Variants in UNC13A observed in about 807,000 individuals in gnomAD.
The protein encoded by UNC13A is protein unc-13 homolog A.
In UNC13A, 61 loss-of-function variants were observed where a neutral mutation model predicts 219.7. That is an observed-to-expected ratio of 0.28 (90% CI 0.23 to 0.34). The LOEUF is 0.34. Among genes scored for constraint, UNC13A ranks in the 10% least tolerant of loss-of-function variants. UNC13A has a pLI of 1.00. For missense variants in UNC13A, 1,476 were observed against 2,270.3 expected (o/e 0.65, Z 7.11); for synonymous variants, 920 against 884.6 (o/e 1.04, Z -0.71).
chr19:17,634,292 C>G (rs2076889380), intron 26 of UNC13A, among the ~76,000 whole-genome samples: 1 of 152,172 alleles, frequency 6.6e-6, no homozygotes, highest in South Asian at 2.1e-4. Context: ...ACTTATGCAG[C>G]TATCCACCCA....
At chr19:17,640,723 C>G (rs1361201717) in intron 21 of UNC13A, 62 bp from the exon 22 acceptor site, 5 of 1,473,958 alleles carry the variant, frequency 3.4e-6, no homozygotes, top group African/African-American at 2.8e-5. Flanking sequence ...CAAGATCCCC[C>G]CTAGAATGCC....
chr19:17,677,192 A>G (rs1401852359), intron 1 of UNC13A, among the ~76,000 whole-genome samples: 1 of 151,942 alleles, frequency 6.6e-6, no homozygotes, highest in Admixed American at 6.6e-5. Flanking sequence ...ATTCAAAGCC[A>G]TGTCGCCCCC....
At position 17,627,977 on chromosome 19, in the gene UNC13A, G is replaced by A. The variant is rs186553369; in HGVS notation, c.3754-37C>T. The A allele has an allele frequency of 1.4e-3, 2,199 of 1,557,854 alleles. 38 individuals are homozygous for A. In the African/African-American group the frequency reaches 0.027, roughly 19 times the overall value. On this transcript the variant is annotated intron_variant, in intron 31 of 43. Transcript: ENST00000519716. This position sits in a 1 kb window ranked among gnomAD's most constrained non-coding sequence, Gnocchi z 4.7. ...AACAGAGAGGGGAGTCAAGCCTCAGGACCTCTCCCCAGAGCCTCCCCTACC... is the reference window on the plus strand; with the variant it reads ...AACAGAGAGGGGAGTCAAGCCTCAGAACCTCTCCCCAGAGCCTCCCCTACC...
intron 25 of UNC13A, among the ~76,000 whole-genome samples, chr19:17,636,624 A>C (rs1450580672): frequency 2.6e-5 from 4 of 152,200 alleles, no homozygotes; most frequent in Admixed American, 1.3e-4. Flanking sequence ...CTTGTCCAAG[A>C]TCAACATCAA....
Position 17,629,475 on chromosome 19 carries a change from G to T in UNC13A, c.3670-152C>A, listed in dbSNP as rs77012030. 9.1e-3 allele frequency among the ~76,000 whole-genome samples: 1,389 copies of T among 152,188 alleles called. 19 individuals are homozygous for T. Among genetic ancestry groups the T allele is most frequent in the African/African-American group, 0.032 (1,319 of 41,516 alleles). ...TGGGCTAGGCAAATTCTCCACTCAAGATGACCATCAAGACCTAGAGGAGAT... is the reference window on the plus strand; with the variant it reads ...TGGGCTAGGCAAATTCTCCACTCAATATGACCATCAAGACCTAGAGGAGAT... On this transcript the variant is annotated intron_variant, in intron 30 of 43. Transcript: ENST00000519716.
At chr19:17,653,819 CTCTT>C (rs2079397702) in intron 11 of UNC13A, among the ~76,000 whole-genome samples, 1 of 118,520 alleles carries the variant, frequency 8.4e-6, no homozygotes, top group African/African-American at 3.3e-5. Context: ...GATATCACTT[CTCTT>C]TTTTTTTTTT....
chr19:17,677,197 G>A (rs1438001394), intron 1 of UNC13A, among the ~76,000 whole-genome samples: 6 of 151,686 alleles, frequency 4.0e-5, no homozygotes, highest in Non-Finnish European at 5.9e-5. Flanking sequence ...AAGCCATGTC[G>A]CCCCCTCCTG....
chr19:17,655,238 A>T (rs1176256340), intron 11 of UNC13A, 36 bp downstream of exon 11: 1 of 1,513,370 alleles, frequency 6.6e-7, no homozygotes, highest in South Asian at 1.2e-5. Context: ...TGGCCTGGCT[A>T]AGTGTGGCAG....
intron 19 of UNC13A, among the ~76,000 whole-genome samples, chr19:17,643,344 T>C (rs535837182): frequency 6.6e-6 from 1 of 151,712 alleles, no homozygotes; most frequent in African/African-American, 2.4e-5. Context: ...ATTTTATTTT[T>C]TTTTGAGATC....
At chr19:17,624,345 CT>C (rs1015012168) in intron 35 of UNC13A, among the ~76,000 whole-genome samples, 4 of 152,044 alleles carry the variant, frequency 2.6e-5, no homozygotes, top group Non-Finnish European at 5.9e-5. Context: ...TCTCGAACTC[CT>C]GACCTCAAGC....
chr19:17,671,872 A>C (rs2079795107), intron 4 of UNC13A, among the ~76,000 whole-genome samples: 2 of 152,182 alleles, frequency 1.3e-5, no homozygotes, highest in Admixed American at 1.3e-4. Flanking sequence ...CCTTCTTATG[A>C]GTTGGTGTAA....
At chr19:17,623,040 G>A (rs1449118129) in intron 36 of UNC13A, 1 of 154,222 alleles carries the variant, frequency 6.5e-6, no homozygotes, top group East Asian at 1.9e-4. Context: ...TGGGTAGACA[G>A]GGTGGTGGGG....
chr19:17,687,137 C>T (rs1341842717), intron 1 of UNC13A, among the ~76,000 whole-genome samples: 2 of 152,200 alleles, frequency 1.3e-5, no homozygotes, highest in African/African-American at 4.8e-5. Flanking sequence ...GTGCCCAGAA[C>T]GCCTGGGTTC....
intron 39 of UNC13A, 117 bp downstream of exon 39, chr19:17,618,789 T>C: frequency 2.0e-6 from 2 of 1,000,186 alleles, no homozygotes; most frequent in Non-Finnish European, 3.2e-6. Context: ...TTTCTGTCCT[T>C]TGAGCCTGTA....
At chr19:17,639,324 A>G in intron 24 of UNC13A, 107 bp from the exon 25 acceptor site, 1 of 1,575,372 alleles carries the variant, frequency 6.3e-7, no homozygotes, top group South Asian at 1.2e-5. Flanking sequence ...TATGAAAGGA[A>G]AAGGTTACTG....
rs547702547 is a variant in UNC13A at position 17,605,608 on chromosome 19, G to GC, written c.*445dup. Reference sequence around the variant, plus strand: ...CAGAGAGCCCTACCCCTTGCCCAGGGCCCCCCCTCGAGGGAGCTGAGATTT... The same window carrying GC: ...CAGAGAGCCCTACCCCTTGCCCAGGGCCCCCCCCTCGAGGGAGCTGAGATTT... On this transcript the variant is annotated 3_prime_UTR_variant, in exon 44 of 44. Transcript: ENST00000519716. 4.5e-4 allele frequency: 73 copies of GC among 160,598 alleles called. No individual in the cohort carries two copies. The highest frequency in any genetic ancestry group is 1.6e-3 in the African/African-American group (67 of 41,852). 9.9% of individuals were successfully genotyped at this position (160,598 alleles called of 1,614,324 possible).
chr19:17,656,319 C>T lies in UNC13A; in HGVS notation c.847G>A (p.Asp283Asn), dbSNP rs773849413. The change falls in exon 10 of 44, where the codon GAC becomes AAC. Residue 283 changes from aspartate to asparagine, a missense_variant. Transcript: ENST00000519716. ...TCGGAGCCCTGCAGGCTGTGCTCGT[C>T]AGGGTCGAAGTCCTCGCTCAGCTGA... ...SSQLSEDFDP[D>N]EHSLQGSDME... 9.2e-5 allele frequency: 143 copies of T among 1,556,858 alleles called. No homozygotes were observed. Among genetic ancestry groups the T allele is most frequent in the Non-Finnish European group, 7.6e-5 (87 of 1,150,492 alleles).
At chr19:17,646,228 C>A in intron 17 of UNC13A, 117 bp from the exon 18 acceptor site, 1 of 1,424,544 alleles carries the variant, frequency 7.0e-7, no homozygotes, top group Non-Finnish European at 9.5e-7. Flanking sequence ...GGCTGGAGAG[C>A]AATGGCAGGG....
chr19:17,611,934 C>A, intron 41 of UNC13A, 79 bp from the exon 42 acceptor site: 1 of 1,278,626 alleles, frequency 7.8e-7, no homozygotes. Context: ...CGGCCTCCCA[C>A]CCACCTGTGC....
Sources: allele counts gnomAD v4.1 joint callset (sites outside exome capture counted in the v4.1 genomes callset), GRCh38; gene constraint gnomAD v4.1.1; non-coding constraint Gnocchi (gnomAD v3.1); transcripts MANE v1.5; gene names NCBI Gene and HGNC (gene_info 2026-07-23, HGNC 2026-07-21).